The following NRG1 variants were observed in gnomAD, a reference collection of about 807,000 sequenced individuals.
NRG1 encodes pro-neuregulin-1, membrane-bound isoform.
NRG1 carries 18 observed loss-of-function variants against 63.8 expected under a neutral mutation model. The ratio of observed to expected loss-of-function variants is 0.28; its 90% confidence interval spans 0.19 to 0.42. The LOEUF (loss-of-function observed/expected upper bound fraction) is 0.42. Ranked by LOEUF, NRG1 falls within the 10% of genes least tolerant of loss-of-function variation. The pLI is 1.00. For missense variants in NRG1, 762 were observed against 814.7 expected (o/e 0.94, Z 0.79); for synonymous variants, 302 against 301.3 (o/e 1.00, Z -0.02).
intron 1 of NRG1, among the ~76,000 whole-genome samples, chr8:32,466,147 A>G (rs1161371789): frequency 6.6e-6 from 1 of 152,134 alleles, no homozygotes; most frequent in African/African-American, 2.4e-5. Context: ...TACAAATAAT[A>G]CATACATACA....
chr8:32,609,550 CCCTCCTT>C (rs1417647063), intron 3 of NRG1, among the ~76,000 whole-genome samples: 2 of 134,972 alleles, frequency 1.5e-5, no homozygotes, highest in Non-Finnish European at 3.0e-5. Flanking sequence ...TTCCTTCCCT[CCCTCCTT>C]CCTTCCTTCC....
At chr8:31,817,914 CAAAT>C (rs1272827501) in intron 1 of NRG1, among the ~76,000 whole-genome samples, 1 of 152,160 alleles carries the variant, frequency 6.6e-6, no homozygotes, top group African/African-American at 2.4e-5. Flanking sequence ...TCTTTATGCA[CAAAT>C]AATGTTTATT....
At chr8:32,358,500 A>G (rs1490300655) in intron 1 of NRG1, among the ~76,000 whole-genome samples, 1 of 152,226 alleles carries the variant, frequency 6.6e-6, no homozygotes, top group South Asian at 2.1e-4. Context: ...TGAGCAAGGT[A>G]TAGGAAAGTA....
At chr8:31,828,507 C>T (rs1205430983) in intron 1 of NRG1, among the ~76,000 whole-genome samples, 1 of 152,138 alleles carries the variant, frequency 6.6e-6, no homozygotes, top group African/African-American at 2.4e-5. Context: ...CCAATAATCC[C>T]CCGAGGCTCA....
At chr8:31,922,500 G>T (rs1833999992) in intron 1 of NRG1, among the ~76,000 whole-genome samples, 2 of 152,088 alleles carry the variant, frequency 1.3e-5, no homozygotes. Context: ...AGACATTATG[G>T]AAAAATATAA....
intron 1 of NRG1, among the ~76,000 whole-genome samples, chr8:31,945,603 A>G (rs897187206): frequency 6.6e-6 from 1 of 151,492 alleles, no homozygotes; most frequent in African/African-American, 2.5e-5. Context: ...ATTGAAAATA[A>G]GACTTCCACT....
chr8:32,197,005 G>A (rs1843027026), intron 1 of NRG1, among the ~76,000 whole-genome samples: 1 of 116,792 alleles, frequency 8.6e-6, no homozygotes. Context: ...TGTCACCCAG[G>A]CTGGAGTGCA....
At chr8:32,757,622 A>G (rs566557101) in intron 9 of NRG1, among the ~76,000 whole-genome samples, 4 of 152,192 alleles carry the variant, frequency 2.6e-5, no homozygotes, top group Non-Finnish European at 5.9e-5. Flanking sequence ...TTTGATAACG[A>G]TATTCACTAC....
intron 1 of NRG1, among the ~76,000 whole-genome samples, chr8:31,837,842 A>G (rs1283124865): frequency 6.6e-6 from 1 of 152,048 alleles, no homozygotes; most frequent in Non-Finnish European, 1.5e-5. Context: ...ATAGTATTCC[A>G]TTGTGTATAT....
intron 1 of NRG1, among the ~76,000 whole-genome samples, chr8:31,676,478 T>C (rs926001743): frequency 1.6e-4 from 24 of 152,296 alleles, no homozygotes; most frequent in African/African-American, 5.3e-4. Context: ...TCATTCCCTA[T>C]GGCTTAGACC....
At chr8:32,354,574 T>C (rs1035743376) in intron 1 of NRG1, among the ~76,000 whole-genome samples, 1 of 151,844 alleles carries the variant, frequency 6.6e-6, no homozygotes, top group Admixed American at 6.6e-5. Flanking sequence ...TCTATGTAAG[T>C]CACAACTCAT....
intron 1 of NRG1, among the ~76,000 whole-genome samples, chr8:32,529,808 T>G (rs925583831): frequency 1.1e-4 from 17 of 152,174 alleles, no homozygotes; most frequent in Non-Finnish European, 1.0e-4. Flanking sequence ...AACAATACTT[T>G]CTTCTGGATA....
rs1056534637 is a variant in NRG1, at chr8:32,301,719, A to C, written c.38-294109A>C. On this transcript the variant is annotated intron_variant, in intron 1 of 10. Transcript: ENST00000519301. ...GTGCAGAGAAACCTCCATTTTGAAA[A>C]CCATCAGATCTCGTGAGACTCATTC... Among the ~76,000 whole-genome samples the C allele has an allele frequency of 8.5e-5, 13 of 152,126 alleles. 1 individual carries two copies. The highest frequency in any genetic ancestry group is 5.9e-4 in the Admixed American group (9 of 15,266).
At chr8:32,140,254 G>A (rs1836071569) in intron 1 of NRG1, among the ~76,000 whole-genome samples, 1 of 152,006 alleles carries the variant, frequency 6.6e-6, no homozygotes, top group South Asian at 2.1e-4. Flanking sequence ...AAGCAGTGGT[G>A]TATCATTTTT....
chr8:31,997,700 G>A (rs1445941027), intron 1 of NRG1, among the ~76,000 whole-genome samples: 1 of 151,898 alleles, frequency 6.6e-6, no homozygotes, highest in African/African-American at 2.4e-5. Flanking sequence ...TCCTTCTACT[G>A]TGCTTTGCTC....
At chr8:32,204,547 C>T (rs574949753) in intron 1 of NRG1, among the ~76,000 whole-genome samples, 6 of 152,046 alleles carry the variant, frequency 3.9e-5, no homozygotes, top group South Asian at 2.1e-4. Context: ...GACTATAGTC[C>T]CCTCATTTGC....
At chr8:32,460,028 A>G (rs1822121919) in intron 1 of NRG1, among the ~76,000 whole-genome samples, 1 of 152,144 alleles carries the variant, frequency 6.6e-6, no homozygotes, top group Non-Finnish European at 1.5e-5. Context: ...TATTTTACTG[A>G]TAGGTCTTTT....
At chr8:31,995,568 C>T (rs1811833751) in intron 1 of NRG1, among the ~76,000 whole-genome samples, 1 of 151,900 alleles carries the variant, frequency 6.6e-6, no homozygotes, top group Non-Finnish European at 1.5e-5. Context: ...AGATGCTATT[C>T]CTTTTAGAGA....
At chr8:32,268,573 G>C (rs561714548) in intron 1 of NRG1, among the ~76,000 whole-genome samples, 2 of 152,140 alleles carry the variant, frequency 1.3e-5, no homozygotes, top group Admixed American at 6.5e-5. Context: ...GTGCATGTGT[G>C]TGTGTGTCCA....
Sources: gnomAD v4.1 joint callset for allele counts (sites outside exome capture counted in the v4.1 genomes callset) on GRCh38, gnomAD v4.1.1 for gene constraint, MANE v1.5 for transcripts, NCBI Gene and HGNC (gene_info 2026-07-23, HGNC 2026-07-21) for gene names.